Variants in PALD1 observed in about 807,000 individuals in gnomAD.
PALD1 encodes the protein paladin.
In PALD1, 57 loss-of-function variants were observed where a neutral mutation model predicts 96.0. That is an observed-to-expected ratio of 0.59 (90% confidence interval 0.48 to 0.74). PALD1 has a LOEUF of 0.74. Ranked by LOEUF, PALD1 falls within the 30% of genes least tolerant of loss-of-function variation. PALD1 has a pLI of 0.00. For missense variants in PALD1, 1,063 were observed against 1,143.7 expected (o/e 0.93, Z 1.02); for synonymous variants, 464 against 473.6 (o/e 0.98, Z 0.26).
chr10:70,539,450 C>A lies in PALD1; in HGVS notation c.1726-130C>A. 1 of 1,068,526 alleles carries A rather than the reference C, an allele frequency of 9.4e-7. No individual in the cohort carries two copies. Among genetic ancestry groups the A allele is most frequent in the Non-Finnish European group, 1.3e-6 (1 of 761,596 alleles). The allele number at this position is 1,068,526 out of a possible 1,614,324, so 66.2% of individuals were successfully genotyped here. On this transcript the variant is annotated intron_variant, in intron 14 of 19. Transcript: ENST00000263563. The surrounding 1 kb of genome is among the most constrained non-coding windows in gnomAD (Gnocchi z 4.5). ...TGGCTTTGGGGGGTGGCTGTGACCC[C>A]TGAGGCTTGGGGGGGTCAGGGATGG...
At chr10:70,512,620 A>G (rs74431911) in intron 1 of PALD1, among the ~76,000 whole-genome samples, 307 of 152,370 alleles carry the variant, frequency 2.0e-3, no homozygotes, top group African/African-American at 7.0e-3. Flanking sequence ...CATTCATAGG[A>G]CAGTGGCCAA....
At chr10:70,529,470 G>A in intron 3 of PALD1, 139 bp downstream of exon 3, 1 of 616,588 alleles carries the variant, frequency 1.6e-6, no homozygotes, top group Non-Finnish European at 2.9e-6. Context: ...AGGGCCCTAG[G>A]ATGGAGCTAG....
intron 1 of PALD1, among the ~76,000 whole-genome samples, chr10:70,511,700 A>G (rs937206551): frequency 6.6e-6 from 1 of 152,174 alleles, no homozygotes; most frequent in African/African-American, 2.4e-5. Context: ...GAGCATGTGA[A>G]ACAGATAAAA....
chr10:70,500,654 A>T (rs58989418), intron 1 of PALD1, among the ~76,000 whole-genome samples: 26 of 152,098 alleles, frequency 1.7e-4, no homozygotes, highest in African/African-American at 6.0e-4. Context: ...GCCACTGTGC[A>T]GCTCGGTATA....
intron 10 of PALD1, among the ~76,000 whole-genome samples, chr10:70,535,799 C>G (rs1246727702): frequency 1.3e-5 from 2 of 152,160 alleles, no homozygotes; most frequent in East Asian, 3.9e-4. Flanking sequence ...CTCCTAGACT[C>G]AAGGGATTCG....
chr10:70,533,802 A>C (rs1589201496), intron 7 of PALD1, 120 bp from the exon 8 acceptor site: 4 of 895,830 alleles, frequency 4.5e-6, no homozygotes, highest in African/African-American at 1.8e-5. Flanking sequence ...CACCTATTGG[A>C]GCCCACTTTG....
At chr10:70,470,418 C>A in the PALD1 span, among the ~76,000 whole-genome samples, 7 of 152,028 alleles carry the variant, frequency 4.6e-5, no homozygotes, top group Non-Finnish European at 1.0e-4. Flanking sequence ...AGTCTGCTCC[C>A]CTCTCCCAGA....
chr10:70,498,248 A>G (rs980959803), intron 1 of PALD1, among the ~76,000 whole-genome samples: 32 of 152,166 alleles, frequency 2.1e-4, no homozygotes, highest in African/African-American at 7.7e-4. Flanking sequence ...ATGTGTCAGA[A>G]TTCATTTCTT....
chr10:70,462,904 C>T, the PALD1 span, among the ~76,000 whole-genome samples: 4 of 152,346 alleles, frequency 2.6e-5, no homozygotes, highest in African/African-American at 9.6e-5. Context: ...TGTGGGCTCC[C>T]AGCCCTGGGA....
chr10:70,459,831 A>G, the PALD1 span, among the ~76,000 whole-genome samples: 7 of 152,124 alleles, frequency 4.6e-5, no homozygotes, highest in South Asian at 1.5e-3. Flanking sequence ...GCCACCCCAT[A>G]GGTGAACGCC....
At position 70,532,939 on chromosome 10, in the gene PALD1, GA is replaced by G. The variant is rs1373279134; in HGVS notation, c.795-55del. The G allele has an allele frequency of 2.0e-6, 3 of 1,531,732 alleles. No homozygotes were observed. The African/African-American group carries it at 4.1e-5, about 21-fold the overall frequency. The allele number at this position is 1,531,732 out of a possible 1,614,324, so 94.9% of individuals were successfully genotyped here. Reference sequence around the variant, plus strand: ...CAAACAGTGCCCGGGAATAGGGGGTGAGGGGGATTCCCAGAGTGGGTGCCTG... The same window carrying G: ...CAAACAGTGCCCGGGAATAGGGGGTGGGGGGATTCCCAGAGTGGGTGCCTG... On this transcript the variant is annotated intron_variant, in intron 6 of 19. Coordinates refer to ENST00000263563, the MANE Select transcript of PALD1 (RefSeq NM_014431.3).
chr10:70,561,420 G>A (rs899971069), intron 18 of PALD1, among the ~76,000 whole-genome samples: 2 of 152,236 alleles, frequency 1.3e-5, no homozygotes, highest in Non-Finnish European at 2.9e-5. Context: ...GCTTGGGGAA[G>A]GATAGAAGCA....
chr10:70,555,440 C>T (rs1847584806), intron 18 of PALD1, among the ~76,000 whole-genome samples: 1 of 152,164 alleles, frequency 6.6e-6, no homozygotes, highest in South Asian at 2.1e-4. Flanking sequence ...CCCAACTCCT[C>T]GACTTGCATC....
At chr10:70,496,581 G>A (rs1040180379) in intron 1 of PALD1, among the ~76,000 whole-genome samples, 2 of 152,212 alleles carry the variant, frequency 1.3e-5, no homozygotes, top group Admixed American at 6.5e-5. Context: ...CACCCGTGTC[G>A]CTGCAGGTAT....
intron 1 of PALD1, among the ~76,000 whole-genome samples, chr10:70,498,260 T>TA (rs780522351): frequency 1.3e-5 from 2 of 152,300 alleles, no homozygotes; most frequent in Non-Finnish European, 2.9e-5. Flanking sequence ...TCATTTCTTT[T>TA]AAAAAATGTT....
At position 70,531,401 on chromosome 10, in the gene PALD1, G is replaced by T; in HGVS notation, c.580G>T (p.Gly194Cys). 6.2e-7 allele frequency: 1 copy of T among 1,614,070 alleles called. No individual in the cohort carries two copies. Among genetic ancestry groups the T allele is most frequent in the African/African-American group, 1.3e-5 (1 of 75,026 alleles). ...DKQNLHENLQ[G>C]LGPGVRVESL... Reference sequence around the variant, plus strand: ...GCAGAACCTTCATGAGAACCTCCAGGGCCTTGGACCCGGGGTCCGGGTGGA... The same window carrying T: ...GCAGAACCTTCATGAGAACCTCCAGTGCCTTGGACCCGGGGTCCGGGTGGA... The change falls in exon 5 of 20, where the codon GGC (glycine) becomes TGC (cysteine). Residue 194 changes from glycine (G) to cysteine (C), a missense_variant. Coordinates refer to ENST00000263563, the MANE Select transcript of PALD1 (RefSeq NM_014431.3).
chr10:70,538,225 G>C (rs953592650), intron 11 of PALD1, 55 bp from the exon 12 acceptor site: 2 of 1,582,140 alleles, frequency 1.3e-6, no homozygotes, highest in African/African-American at 2.7e-5. Context: ...GGGCAGGGAG[G>C]GTTCAGGATG....
In PALD1 at chr10:70,486,055, A is replaced by C. The variant is rs1352120472; in HGVS notation, c.-30+6996A>C. On this transcript the variant is annotated intron_variant, in intron 1 of 19. Transcript: ENST00000263563. Reference sequence around the variant, plus strand: ...ATTTAATTTTTCTTGGCTTCATTCCAGCAAGTTATGCCGATTGTTTAGGAT... The same window carrying C: ...ATTTAATTTTTCTTGGCTTCATTCCCGCAAGTTATGCCGATTGTTTAGGAT... The C allele has an allele frequency of 2.2e-5, 5 of 225,810 alleles. No individual in the cohort carries two copies. In the East Asian group the frequency reaches 5.5e-4, roughly 25 times the overall value. 14.0% of individuals were successfully genotyped at this position (225,810 alleles called of 1,614,324 possible). A position where few individuals can be genotyped will look rare whatever the true frequency, so the allele number is the denominator to read the frequency against.
chr10:70,563,551 C>G (rs1415460587), intron 18 of PALD1, among the ~76,000 whole-genome samples: 1 of 152,262 alleles, frequency 6.6e-6, no homozygotes, highest in African/African-American at 2.4e-5. Context: ...TCTCCCAACC[C>G]CTCTCCTGAG....
Sources: allele counts gnomAD v4.1 joint callset (sites outside exome capture counted in the v4.1 genomes callset), GRCh38; gene constraint gnomAD v4.1.1; non-coding constraint Gnocchi (gnomAD v3.1); transcripts MANE v1.5; gene names NCBI Gene and HGNC (gene_info 2026-07-23, HGNC 2026-07-21).